EEA1: variants seen among roughly 807,000 people sequenced by gnomAD.
EEA1 encodes the protein early endosome antigen 1.
A neutral mutation model predicts 209.2 loss-of-function variants in EEA1; 111 were observed. The observed-to-expected ratio is 0.53, with a 90% CI of 0.45 to 0.62. The LOEUF is 0.62. Among genes scored for constraint, EEA1 ranks in the 20% least tolerant of loss-of-function variants. EEA1 has a pLI of 0.00. For missense variants in EEA1, 1,343 were observed against 1,530.8 expected (o/e 0.88, Z 2.05); for synonymous variants, 536 against 540.6 (o/e 0.99, Z 0.12).
At chr12:92,844,861 CATG>C (rs1352503604) in intron 9 of EEA1, among the ~76,000 whole-genome samples, 8 of 151,980 alleles carry the variant, frequency 5.3e-5, no homozygotes, top group Admixed American at 4.6e-4. Flanking sequence ...CATTAAATAT[CATG>C]ATTTCATATT....
chr12:92,827,759 T>C (rs1876386435), intron 12 of EEA1, among the ~76,000 whole-genome samples, 153 bp downstream of exon 12: 2 of 152,238 alleles, frequency 1.3e-5, no homozygotes, highest in Admixed American at 6.5e-5. Context: ...CAAAATGACT[T>C]AATGTAGTTA....
chr12:92,901,342 A>G (rs1455359435), intron 1 of EEA1, among the ~76,000 whole-genome samples: 4 of 152,050 alleles, frequency 2.6e-5, no homozygotes, highest in South Asian at 4.1e-4. Flanking sequence ...GTGAGCCACC[A>G]TGGCCACCTG....
At chr12:92,808,701 C>T (rs1278414554) in intron 18 of EEA1, among the ~76,000 whole-genome samples, 2 of 152,088 alleles carry the variant, frequency 1.3e-5, no homozygotes, top group Non-Finnish European at 2.9e-5. Context: ...TTTAATTTTA[C>T]AGTAATTTAT....
At position 92,857,443 on chromosome 12, in the gene EEA1, C is replaced by T. The variant is rs758004246; in HGVS notation, c.288G>A (p.Gln96=). ...TTTTTATTCTTACCTTAAGTGAAGC[C>T]TGTAGGTCTTGGACCTCTTGTCTGA... The part of the protein sequence containing the change: ...TLLRQEVQDL[Q]ASLKEEKWYS... Residue 96 remains glutamine, a synonymous_variant, in exon 4 of 29, where the codon CAG becomes CAA. Coordinates refer to ENST00000322349, the MANE Select transcript of EEA1 (RefSeq NM_003566.4). 5.0e-6 allele frequency: 8 copies of T among 1,598,484 alleles called. No homozygotes were observed. Among genetic ancestry groups the T allele is most frequent in the Non-Finnish European group, 6.0e-6 (7 of 1,174,738 alleles).
chr12:92,862,175 G>T (rs1263076184), intron 3 of EEA1, among the ~76,000 whole-genome samples: 3 of 152,036 alleles, frequency 2.0e-5, no homozygotes, highest in Non-Finnish European at 4.4e-5. Flanking sequence ...AGAAACTGAG[G>T]TGTAGGAAAA....
At chr12:92,869,498 C>T (rs1878536618) in intron 2 of EEA1, among the ~76,000 whole-genome samples, 1 of 151,516 alleles carries the variant, frequency 6.6e-6, no homozygotes, top group East Asian at 1.9e-4. Flanking sequence ...AATCCCAGCA[C>T]TTTGGGAGGC....
intron 2 of EEA1, among the ~76,000 whole-genome samples, chr12:92,883,499 A>C (rs1475635041): frequency 3.3e-5 from 5 of 152,142 alleles, no homozygotes; most frequent in Non-Finnish European, 7.3e-5. Flanking sequence ...TAATGTCCAG[A>C]ATGATGTTTC....
intron 2 of EEA1, among the ~76,000 whole-genome samples, chr12:92,876,202 A>G (rs916974581): frequency 7.9e-5 from 12 of 151,898 alleles, no homozygotes; most frequent in African/African-American, 2.9e-4. Context: ...CCTCCCGAGT[A>G]GCTGAGAATA....
chr12:92,874,477 T>C (rs1878790384), intron 2 of EEA1, among the ~76,000 whole-genome samples: 1 of 152,264 alleles, frequency 6.6e-6, no homozygotes, highest in African/African-American at 2.4e-5. Flanking sequence ...GCGATTCTCC[T>C]GCCTCAGCCT....
At chr12:92,796,902 GA>G (rs1170816657) in intron 21 of EEA1, among the ~76,000 whole-genome samples, 2 of 152,152 alleles carry the variant, frequency 1.3e-5, no homozygotes, top group Non-Finnish European at 2.9e-5. Context: ...ATTGAGCTCA[GA>G]AAGATGAATC....
At chr12:92,923,616 C>T (rs988800518) in intron 1 of EEA1, among the ~76,000 whole-genome samples, 1 of 152,124 alleles carries the variant, frequency 6.6e-6, no homozygotes, top group African/African-American at 2.4e-5. Flanking sequence ...ACCACACCCC[C>T]TCTCCACCAC....
intron 2 of EEA1, among the ~76,000 whole-genome samples, chr12:92,888,036 T>G (rs966501384): frequency 3.3e-5 from 5 of 151,390 alleles, no homozygotes; most frequent in African/African-American, 4.9e-5. Flanking sequence ...ACCACAGGAG[T>G]AGAGAAAAGG....
In EEA1 at chr12:92,776,833, A is replaced by C; in HGVS notation, c.4113+11T>G. ...ATCCAGAAACATAGTTACATGAACAAAATTATTTACCCGTCTCACTGTTAC... is the reference window on the plus strand; with the variant it reads ...ATCCAGAAACATAGTTACATGAACACAATTATTTACCCGTCTCACTGTTAC... On this transcript the variant is annotated intron_variant, in intron 28 of 28. Coordinates refer to ENST00000322349, the MANE Select transcript of EEA1 (RefSeq NM_003566.4). 1 of 1,608,812 alleles carries C rather than the reference A, an allele frequency of 6.2e-7. No individual in the cohort carries two copies. Among genetic ancestry groups the C allele is most frequent in the Non-Finnish European group, 8.5e-7 (1 of 1,176,128 alleles).
chr12:92,792,647 C>T (rs1397156608), intron 21 of EEA1, among the ~76,000 whole-genome samples: 1 of 152,122 alleles, frequency 6.6e-6, no homozygotes, highest in Non-Finnish European at 1.5e-5. Context: ...TAATAGCCTA[C>T]CAACCAAAAA....
Position 92,796,622 on chromosome 12 carries a change from T to C in EEA1, c.2967+2270A>G, listed in dbSNP as rs150569051. On this transcript the variant is annotated intron_variant, in intron 21 of 28. Coordinates refer to ENST00000322349, the MANE Select transcript of EEA1 (RefSeq NM_003566.4). ...TGTATACATATTTTTATGTTTTATATATATATTTAAGTGTGTACACACATA... is the reference window on the plus strand; with the variant it reads ...TGTATACATATTTTTATGTTTTATACATATATTTAAGTGTGTACACACATA... Among the ~76,000 whole-genome samples the C allele has an allele frequency of 1.1e-4, 16 of 152,284 alleles. No homozygotes were observed. In the East Asian group the frequency reaches 2.9e-3, roughly 28 times the overall value.
At chr12:92,790,424 A>G (rs923140908) in intron 21 of EEA1, among the ~76,000 whole-genome samples, 1 of 152,178 alleles carries the variant, frequency 6.6e-6, no homozygotes, top group Admixed American at 6.5e-5. Flanking sequence ...ATGAATGGCT[A>G]ACTAGAATAA....
intron 2 of EEA1, among the ~76,000 whole-genome samples, chr12:92,891,100 T>C (rs1249570234): frequency 6.6e-6 from 1 of 152,142 alleles, no homozygotes; most frequent in Admixed American, 6.6e-5. Flanking sequence ...TTATTAAAAA[T>C]AATATTAATG....
At chr12:92,866,134 G>A (rs1258822215) in intron 2 of EEA1, among the ~76,000 whole-genome samples, 1 of 135,056 alleles carries the variant, frequency 7.4e-6, no homozygotes, top group Non-Finnish European at 1.5e-5. Context: ...GGAGGTTGCA[G>A]TGAGCCAAGA....
At chr12:92,879,330 C>T (rs1271817380) in intron 2 of EEA1, 8 of 445,478 alleles carry the variant, frequency 1.8e-5, no homozygotes, top group Non-Finnish European at 3.6e-5. Flanking sequence ...TGCAGCATTT[C>T]GGATTTTGAA....
Sources: allele counts gnomAD v4.1 joint callset (sites outside exome capture counted in the v4.1 genomes callset), GRCh38; gene constraint gnomAD v4.1.1; transcripts MANE v1.5; gene names NCBI Gene and HGNC (gene_info 2026-07-23, HGNC 2026-07-21).